The following TKFC variants were observed in gnomAD, a reference collection of about 807,000 sequenced individuals.
TKFC encodes the protein triokinase and FMN cyclase.
A neutral mutation model predicts 61.0 loss-of-function variants in TKFC; 46 were observed. The observed-to-expected ratio is 0.75, with a 90% confidence interval of 0.60 to 0.96. TKFC has a LOEUF of 0.96. Among genes scored for constraint, TKFC ranks in the 50% least tolerant of loss-of-function variants. The pLI is 0.00. For missense variants in TKFC, 715 were observed against 777.5 expected, an observed-to-expected ratio of 0.92 and a Z score of 0.96; for synonymous variants, 314 against 330.1, an observed-to-expected ratio of 0.95 and a Z score of 0.53.
downstream of TKFC, chr11:61,350,520 C>T: frequency 6.8e-7 from 1 of 1,468,374 alleles, no homozygotes; most frequent in Non-Finnish European, 9.3e-7. Context: ...CAGGGTGGTC[C>T]CCATCCAAGC....
intron 15 of TKFC, 21 bp downstream of exon 15, chr11:61,345,586 T>C: frequency 6.2e-7 from 1 of 1,612,212 alleles, no homozygotes; most frequent in Non-Finnish European, 8.5e-7. Flanking sequence ...GCCCTGTGCA[T>C]CAGACCAGGG....
chr11:61,353,119 G>A (rs372780229), downstream of TKFC: 3 of 1,610,950 alleles, frequency 1.9e-6, no homozygotes, highest in East Asian at 4.5e-5. Context: ...GCAGGAGGAA[G>A]ACAGCAAAGC....
At chr11:61,342,911 G>A in intron 10 of TKFC, 67 bp downstream of exon 10, 1 of 1,498,898 alleles carries the variant, frequency 6.7e-7, no homozygotes, top group Non-Finnish European at 9.3e-7. Context: ...GTCTTGTGAT[G>A]GCAGAGAACA....
chr11:61,333,336 C>A lies in TKFC; in HGVS notation c.-110+7C>A. ...CCGTGAGCCGGCGGGGGAGGTGCGC[C>A]AGTGTCCTCCGAGCTCGCCCGCAGA... On this transcript the variant is annotated splice_region_variant and intron_variant, in intron 1 of 17. Transcript: ENST00000394900. The A allele has an allele frequency of 5.5e-6, 1 of 181,244 alleles. No homozygotes were observed. Among genetic ancestry groups the A allele is most frequent in the Non-Finnish European group, 1.1e-5 (1 of 87,130 alleles). 11.2% of individuals were successfully genotyped at this position (181,244 alleles called of 1,614,324 possible).
intron 3 of TKFC, 39 bp from the exon 4 acceptor site, chr11:61,339,027 T>G: frequency 6.3e-7 from 1 of 1,580,242 alleles, no homozygotes; most frequent in Non-Finnish European, 8.7e-7. Flanking sequence ...CAGGCGCGAG[T>G]CCCACCCAGC....
chr11:61,353,408 A>G, downstream of TKFC: 1 of 609,298 alleles, frequency 1.6e-6, no homozygotes, highest in Non-Finnish European at 2.9e-6. Flanking sequence ...GTCCTTGCTC[A>G]TAAAACTCTT....
chr11:61,339,209 G>T, intron 4 of TKFC, 33 bp downstream of exon 4: 1 of 1,612,438 alleles, frequency 6.2e-7, no homozygotes, highest in Non-Finnish European at 8.5e-7. Context: ...GCTGCGGCAG[G>T]GAGGGCACAG....
chr11:61,343,480 C>T, intron 11 of TKFC, 22 bp downstream of exon 11: 1 of 1,606,308 alleles, frequency 6.2e-7, no homozygotes, highest in Non-Finnish European at 8.5e-7. Context: ...AACCTGGGGT[C>T]ACCCAAGCCA....
At chr11:61,342,021 A>T (rs1229313713) in intron 7 of TKFC, 109 bp downstream of exon 7, 27 of 1,115,076 alleles carry the variant, frequency 2.4e-5, no homozygotes, top group Non-Finnish European at 3.2e-5. Flanking sequence ...AGGTGGTCTT[A>T]GTATTTTTAC....
At chr11:61,345,170 G>A (rs879248252) in intron 13 of TKFC, 90 bp from the exon 14 acceptor site, 6 of 1,098,780 alleles carry the variant, frequency 5.5e-6, no homozygotes, top group South Asian at 1.6e-5. Flanking sequence ...CTTCCCTGTC[G>A]GCCTTTTCCA....
chr11:61,347,030 C>G lies in TKFC; in HGVS notation c.*527C>G, dbSNP rs959746866. The stretch of plus-strand genomic sequence containing the variant: ...CTTCTACCAGGCAGATCTTTATTAC[C>G]TGAGCCCCTAAGGCAGTGTCTCCTC... On this transcript the variant is annotated 3_prime_UTR_variant, in exon 18 of 18. Transcript: ENST00000394900. The G allele has an allele frequency of 1.5e-5, 15 of 986,254 alleles. No individual in the cohort carries two copies. The highest frequency in any genetic ancestry group is 1.8e-5 in the Non-Finnish European group (15 of 830,526). The allele number at this position is 986,254 out of a possible 1,614,324, so 61.1% of individuals were successfully genotyped here.
intron 7 of TKFC, chr11:61,342,217 TG>T: frequency 1.6e-6 from 1 of 618,026 alleles, no homozygotes. Flanking sequence ...AAAGATCACC[TG>T]GCTGCAAAGC....
At chr11:61,343,052 GT>G in intron 10 of TKFC, 1 of 626,966 alleles carries the variant, frequency 1.6e-6, no homozygotes, top group Non-Finnish European at 2.8e-6. Flanking sequence ...TTATACCGTT[GT>G]TTTGAGGATT....
intron 12 of TKFC, 28 bp from the exon 13 acceptor site, chr11:61,344,108 C>T: frequency 6.2e-7 from 1 of 1,610,658 alleles, no homozygotes; most frequent in Non-Finnish European, 8.5e-7. Flanking sequence ...GCCTGGTGGG[C>T]CTGTTCTTCA....
chr11:61,352,939 T>C (rs1857482582), downstream of TKFC: 1 of 1,613,950 alleles, frequency 6.2e-7, no homozygotes, highest in African/African-American at 1.3e-5. Flanking sequence ...TTGAAGACCC[T>C]ATTCCCTCCT....
chr11:61,352,998 G>T (rs1565067166), downstream of TKFC: 1 of 1,614,148 alleles, frequency 6.2e-7, no homozygotes, highest in Admixed American at 1.7e-5. Flanking sequence ...CTGAAGAAAA[G>T]CTTCTCATTA....
At position 61,348,674 on chromosome 11, in the gene TKFC, G is replaced by A. The variant is rs1689789596; in HGVS notation, c.*2171G>A. ...ATGGTCTCTGAGGAAGCTGGCCCTT[G>A]CCACACACCACATTTGCCAGCGCCT... On this transcript the variant is annotated 3_prime_UTR_variant, in exon 18 of 18. Coordinates refer to ENST00000394900, the MANE Select transcript of TKFC (RefSeq NM_015533.4). The A allele has an allele frequency of 4.9e-6, 1 of 205,986 alleles. No homozygotes were observed. The highest frequency in any genetic ancestry group is 8.5e-6 in the Non-Finnish European group (1 of 117,372). 12.8% of individuals were successfully genotyped at this position (205,986 alleles called of 1,614,324 possible).
downstream of TKFC, chr11:61,350,574 C>T: frequency 1.1e-6 from 1 of 894,962 alleles, no homozygotes; most frequent in South Asian, 1.6e-5. Context: ...GAGCCTGGTA[C>T]ACACCCCGTC....
downstream of TKFC, chr11:61,353,081 A>G (rs751494885): frequency 6.2e-7 from 1 of 1,613,978 alleles, no homozygotes. Context: ...AGGTTTTAGG[A>G]GGCTGCGCAG....
Sources: allele counts gnomAD v4.1 joint callset, GRCh38; gene constraint gnomAD v4.1.1; transcripts MANE v1.5; gene names NCBI Gene and HGNC (gene_info 2026-07-23, HGNC 2026-07-21).